PDK1: variants seen among roughly 807,000 people sequenced by gnomAD.
PDK1 encodes the protein pyruvate dehydrogenase kinase 1, also known as [Pyruvate dehydrogenase (acetyl-transferring)] kinase isozyme 1, mitochondrial.
A neutral mutation model predicts 54.2 loss-of-function variants in PDK1; 39 were observed. The observed-to-expected ratio is 0.72, with a 90% confidence interval of 0.56 to 0.94. The LOEUF (loss-of-function observed/expected upper bound fraction) is 0.94, where lower values mean the gene tolerates loss of function less well. Ranked by LOEUF, PDK1 falls within the 40% of genes least tolerant of loss-of-function variation. The probability of loss-of-function intolerance (pLI) is 0.00; values close to 1 mark genes in which losing one functional copy is unlikely to be tolerated. For synonymous variants in PDK1, 221 were observed against 207.1 expected, an observed-to-expected ratio of 1.07 and a Z score of -0.58; for missense variants, 552 against 566.0, an observed-to-expected ratio of 0.98 and a Z score of 0.25.
At chr2:172,646,735 C>CT in the PDK1 span, among the ~76,000 whole-genome samples, 26,522 of 72,340 alleles carry the variant, frequency 0.37, 6,236 homozygotes, top group East Asian at 0.85. Flanking sequence ...CTTGCATTTC[C>CT]TTTTTTTTTT....
the PDK1 span, among the ~76,000 whole-genome samples, chr2:172,704,567 A>G: frequency 3.2e-4 from 48 of 152,200 alleles, no homozygotes; most frequent in Non-Finnish European, 3.8e-4. Context: ...GACAGGTTCT[A>G]CAGAGTGTGA....
chr2:172,605,923 A>G lies in PDK1; in HGVS notation c.*9954A>G, dbSNP rs1432627168. 2 of 151,708 alleles carry G rather than the reference A, an allele frequency of 1.3e-5. No individual in the cohort carries two copies. Among genetic ancestry groups the G allele is most frequent in the East Asian group, 1.9e-4 (1 of 5,156 alleles). The allele number at this position is 151,708 out of a possible 1,614,324, so 9.4% of individuals were successfully genotyped here. ...CACAACTCCCCCTCCCCCAAACCTG[A>G]TAGATGCTATAATTTCTGCAGTCCA... On this transcript the variant is annotated 3_prime_UTR_variant, in exon 11 of 11. Transcript: ENST00000282077.
chr2:172,663,235 A>G, the PDK1 span, among the ~76,000 whole-genome samples: 1 of 152,210 alleles, frequency 6.6e-6, no homozygotes, highest in Admixed American at 6.5e-5. Context: ...CTCTGAGTCT[A>G]TGTCCTTATC....
the PDK1 span, among the ~76,000 whole-genome samples, chr2:172,642,478 T>C: frequency 7.2e-5 from 11 of 152,314 alleles, no homozygotes; most frequent in African/African-American, 2.6e-4. Context: ...CGGCATCTCC[T>C]GGGAACTCGC....
At chr2:172,638,517 C>A in the PDK1 span, among the ~76,000 whole-genome samples, 4 of 152,260 alleles carry the variant, frequency 2.6e-5, no homozygotes, top group East Asian at 7.7e-4. Context: ...ATATAATGGT[C>A]TTTATCCATA....
chr2:172,723,763 A>C, the PDK1 span: 1 of 152,206 alleles, frequency 6.6e-6, no homozygotes, highest in Non-Finnish European at 1.5e-5. Context: ...GTTTCCTTCT[A>C]CAATTTTAGA....
the PDK1 span, among the ~76,000 whole-genome samples, chr2:172,635,677 C>G: frequency 2.0e-5 from 3 of 152,162 alleles, no homozygotes; most frequent in Non-Finnish European, 2.9e-5. Context: ...TTACAGACCC[C>G]GGGAGAGACT....
Position 172,589,069 on chromosome 2 carries a change from GT to G in PDK1, c.1056+2683del, listed in dbSNP as rs147908387. ...AGATCCACCAGTGGACTAGGCCCAT[GT>G]TGTTTTTCTTCCCTGTTAACTGGTT... On this transcript the variant is annotated intron_variant, in intron 9 of 10. Transcript: ENST00000282077. Among the ~76,000 whole-genome samples the G allele has an allele frequency of 9.9e-3, 1,514 of 152,248 alleles. 34 individuals are homozygous for G. The highest frequency in any genetic ancestry group is 0.035 in the African/African-American group (1,436 of 41,540).
At chr2:172,705,314 T>C in the PDK1 span, among the ~76,000 whole-genome samples, 1 of 152,260 alleles carries the variant, frequency 6.6e-6, no homozygotes, top group South Asian at 2.1e-4. Flanking sequence ...TTTCTTCCTA[T>C]AGATTGATCT....
At chr2:172,708,107 G>T in the PDK1 span, among the ~76,000 whole-genome samples, 8 of 152,106 alleles carry the variant, frequency 5.3e-5, no homozygotes, top group Non-Finnish European at 7.4e-5. Flanking sequence ...TTCAAGACCA[G>T]CCTGGGAAAC....
chr2:172,623,607 G>T, the PDK1 span, among the ~76,000 whole-genome samples: 9 of 152,232 alleles, frequency 5.9e-5, no homozygotes, highest in East Asian at 5.8e-4. Flanking sequence ...ATTCCCACAG[G>T]GTTTGCTAGG....
chr2:172,650,793 A>T, the PDK1 span, among the ~76,000 whole-genome samples: 1 of 152,108 alleles, frequency 6.6e-6, no homozygotes, highest in Non-Finnish European at 1.5e-5. Flanking sequence ...ATCCTAAATA[A>T]ATATGCACCC....
At chr2:172,642,209 A>G in the PDK1 span, among the ~76,000 whole-genome samples, 1 of 152,126 alleles carries the variant, frequency 6.6e-6, no homozygotes, top group Non-Finnish European at 1.5e-5. Flanking sequence ...AGGATATGTT[A>G]TTAACGTTAA....
chr2:172,575,235 T>C (rs1175862014), intron 8 of PDK1, among the ~76,000 whole-genome samples: 1 of 152,194 alleles, frequency 6.6e-6, no homozygotes, highest in Non-Finnish European at 1.5e-5. Flanking sequence ...TGTTGTTTTG[T>C]TGAGGATTTT....
chr2:172,689,630 T>C, the PDK1 span, among the ~76,000 whole-genome samples: 7 of 152,250 alleles, frequency 4.6e-5, no homozygotes, highest in Non-Finnish European at 1.0e-4. Flanking sequence ...CAAAACAGCA[T>C]GGTACTGGTA....
At position 172,603,621 on chromosome 2, in the gene PDK1, T is replaced by C. The variant is rs1691186708; in HGVS notation, c.*7652T>C. 6.6e-6 allele frequency: 1 copy of C among 152,212 alleles called. No individual in the cohort carries two copies. Among genetic ancestry groups the C allele is most frequent in the South Asian group, 2.1e-4 (1 of 4,822 alleles). 9.4% of individuals were successfully genotyped at this position (152,212 alleles called of 1,614,324 possible). On this transcript the variant is annotated 3_prime_UTR_variant, in exon 11 of 11. Transcript: ENST00000282077. ...CCCAAGACCGAAAGCTCTGGCACTT[T>C]ATAGCAGTGGTGGGGGGTAGATAGG...
chr2:172,691,302 C>T, the PDK1 span: 1 of 150,554 alleles, frequency 6.6e-6, no homozygotes, highest in South Asian at 2.1e-4. Context: ...TGAAGCGATC[C>T]TGTTGTAGTT....
the PDK1 span, among the ~76,000 whole-genome samples, chr2:172,622,972 A>G: frequency 6.6e-3 from 991 of 150,754 alleles, 15 homozygotes; most frequent in African/African-American, 0.022. Context: ...TAGATCTCCT[A>G]TTAGTTCTGT....
At chr2:172,556,002 A>C (rs1688290870), upstream of PDK1, 1 of 490,650 alleles carries the variant, frequency 2.0e-6, no homozygotes, top group Non-Finnish European at 3.3e-6. Context: ...CCAGCGGCGC[A>C]GGGGGCCGGG....
Sources: allele counts gnomAD v4.1 joint callset (sites outside exome capture counted in the v4.1 genomes callset), GRCh38; gene constraint gnomAD v4.1.1; transcripts MANE v1.5; gene names NCBI Gene and HGNC (gene_info 2026-07-23, HGNC 2026-07-21).